The following RGS6 variants were observed in gnomAD, a reference collection of about 807,000 sequenced individuals.
The protein encoded by RGS6 is regulator of G-protein signaling 6.
Under a neutral mutation model 78.5 loss-of-function variants are expected in RGS6, and 30 were observed. That is an observed-to-expected ratio of 0.38 (90% confidence interval 0.29 to 0.52). The LOEUF is 0.52. RGS6 is among the 20% of genes least tolerant of loss of function. RGS6 has a pLI of 0.85. For synonymous variants in RGS6, 206 were observed against 206.0 expected, an observed-to-expected ratio of 1.00 and a Z score of 0.00; for missense variants, 495 against 609.7, an observed-to-expected ratio of 0.81 and a Z score of 1.98.
intron 2 of RGS6, among the ~76,000 whole-genome samples, chr14:72,003,006 T>G (rs1284849712): frequency 6.6e-6 from 1 of 152,218 alleles, no homozygotes; most frequent in Non-Finnish European, 1.5e-5. Context: ...TTCTTTTCCC[T>G]GTATCACTTA....
At chr14:72,235,083 A>G (rs1199051931) in intron 2 of RGS6, among the ~76,000 whole-genome samples, 2 of 151,986 alleles carry the variant, frequency 1.3e-5, no homozygotes, top group Non-Finnish European at 2.9e-5. Context: ...TTTATTGTCT[A>G]TTTCTCCTGT....
chr14:72,232,029 T>C (rs1387454901), intron 2 of RGS6, among the ~76,000 whole-genome samples: 11 of 152,182 alleles, frequency 7.2e-5, no homozygotes, highest in Admixed American at 7.2e-4. Context: ...GAAGGGATAC[T>C]GGGAGGACAA....
intron 2 of RGS6, among the ~76,000 whole-genome samples, chr14:71,999,367 G>C (rs1040326208): frequency 2.0e-5 from 3 of 152,234 alleles, no homozygotes; most frequent in Non-Finnish European, 4.4e-5. Context: ...CATGGTAAAT[G>C]CTCCCGGGAT....
the RGS6 span, among the ~76,000 whole-genome samples, chr14:72,620,864 G>T: frequency 1.3e-5 from 2 of 152,114 alleles, no homozygotes. Context: ...TTCTTGGCTG[G>T]GCGCTGTGGC....
intron 2 of RGS6, among the ~76,000 whole-genome samples, chr14:72,249,864 G>A (rs2055185494): frequency 6.6e-6 from 1 of 151,950 alleles, no homozygotes; most frequent in Non-Finnish European, 1.5e-5. Flanking sequence ...TGATAGACTG[G>A]ATTAAGAAAA....
intron 3 of RGS6, among the ~76,000 whole-genome samples, chr14:72,355,403 C>T (rs1182089198): frequency 1.3e-5 from 2 of 152,144 alleles, no homozygotes; most frequent in African/African-American, 4.8e-5. Flanking sequence ...CCATGTTGCC[C>T]AGGCTGGTCT....
chr14:72,087,969 T>C lies in RGS6; in HGVS notation c.84+123094T>C, dbSNP rs190174212. Among the ~76,000 whole-genome samples, 346 of 152,222 alleles carry C rather than the reference T, an allele frequency of 2.3e-3. 1 individual carries two copies. In the Middle Eastern group the frequency reaches 0.031, roughly 13 times the overall value. ...TATGATCCTTAGAGGGCAACAGATC[T>C]CTCCCTTCTCATGGCAGAAATAAAG... is the stretch of plus-strand genomic sequence containing the variant. On this transcript the variant is annotated intron_variant, in intron 2 of 17. Coordinates refer to ENST00000553525, the MANE Select transcript of RGS6 (RefSeq NM_001204424.2).
intron 2 of RGS6, among the ~76,000 whole-genome samples, chr14:72,108,122 A>G (rs1341622440): frequency 6.6e-6 from 1 of 152,168 alleles, no homozygotes; most frequent in Non-Finnish European, 1.5e-5. Context: ...CTTAGGAAGA[A>G]GTTATGGGAA....
chr14:72,251,189 C>T (rs572599418), intron 2 of RGS6, among the ~76,000 whole-genome samples: 12 of 152,278 alleles, frequency 7.9e-5, no homozygotes, highest in African/African-American at 1.9e-4. Flanking sequence ...GCAAAGCAAA[C>T]GAAGGTTGTC....
At chr14:72,231,466 T>C (rs1182284390) in intron 2 of RGS6, among the ~76,000 whole-genome samples, 14 of 150,204 alleles carry the variant, frequency 9.3e-5, no homozygotes, top group Admixed American at 9.2e-4. Context: ...GTGCTAGAGA[T>C]ACAGTGGCAA....
At chr14:72,070,175 G>A (rs1402470758) in intron 2 of RGS6, among the ~76,000 whole-genome samples, 2 of 151,870 alleles carry the variant, frequency 1.3e-5, no homozygotes, top group Non-Finnish European at 2.9e-5. Flanking sequence ...TGTGTGTAAG[G>A]GAGAGAATTT....
chr14:72,628,374 AT>A, the RGS6 span, among the ~76,000 whole-genome samples: 1 of 134,946 alleles, frequency 7.4e-6, no homozygotes, highest in Non-Finnish European at 1.7e-5. Context: ...AGAATCAAGC[AT>A]TTTTTTCCTG....
chr14:72,472,526 G>A (rs1204710827), intron 8 of RGS6, among the ~76,000 whole-genome samples: 1 of 152,102 alleles, frequency 6.6e-6, no homozygotes, highest in East Asian at 1.9e-4. Context: ...TTTGATAAGG[G>A]GGCATATCAA....
At chr14:72,419,116 G>A (rs975279967) in intron 3 of RGS6, among the ~76,000 whole-genome samples, 1 of 152,178 alleles carries the variant, frequency 6.6e-6, no homozygotes, top group Non-Finnish European at 1.5e-5. Context: ...ATAAACACAA[G>A]GGGATATTTT....
chr14:72,162,098 C>G (rs984191908), intron 2 of RGS6, among the ~76,000 whole-genome samples: 4 of 151,988 alleles, frequency 2.6e-5, no homozygotes, highest in African/African-American at 9.7e-5. Flanking sequence ...AAAACTTTGA[C>G]TATGACATAG....
intron 2 of RGS6, among the ~76,000 whole-genome samples, chr14:72,014,773 T>A (rs2086603672): frequency 6.6e-6 from 1 of 152,160 alleles, no homozygotes; most frequent in Non-Finnish European, 1.5e-5. Flanking sequence ...TTGCTCTCCT[T>A]CCCTGTTTTT....
Position 72,301,004 on chromosome 14 carries a change from A to G in RGS6, c.85-51091A>G, listed in dbSNP as rs575400847. ...TCGCAGAACTTTAGAGGGGGAAAAT[A>G]TGATTTATTTATTACTTGTGGAATC... is the stretch of plus-strand genomic sequence containing the variant. On this transcript the variant is annotated intron_variant, in intron 2 of 17. Coordinates refer to ENST00000553525, the MANE Select transcript of RGS6 (RefSeq NM_001204424.2). 7.2e-5 allele frequency among the ~76,000 whole-genome samples: 11 copies of G among 152,342 alleles called. No homozygotes were observed. In the East Asian group the frequency reaches 2.1e-3, roughly 29 times the overall value.
intron 2 of RGS6, among the ~76,000 whole-genome samples, chr14:72,302,702 ACACG>A (rs918432137): frequency 5.5e-4 from 84 of 152,152 alleles, no homozygotes; most frequent in African/African-American, 1.9e-3. Flanking sequence ...ACACACACAC[ACACG>A]GACACATAAC....
At position 72,531,613 on chromosome 14, in the gene RGS6, C is replaced by T. The variant is rs140347108; in HGVS notation, c.1279-4573C>T. 2.2e-4 allele frequency among the ~76,000 whole-genome samples: 33 copies of T among 152,190 alleles called. No individual in the cohort carries two copies. In the East Asian group the frequency reaches 6.4e-3, roughly 29 times the overall value. ...CAACCAAAGATGAAACCAAGAGGGC[C>T]TCACATGTGACCAAGACATTTTCTG... On this transcript the variant is annotated intron_variant, in intron 15 of 17. Transcript: ENST00000553525.
Sources: allele counts gnomAD v4.1 joint callset (sites outside exome capture counted in the v4.1 genomes callset), GRCh38; gene constraint gnomAD v4.1.1; transcripts MANE v1.5; gene names NCBI Gene and HGNC (gene_info 2026-07-23, HGNC 2026-07-21).